The following SKAP2 variants were observed in gnomAD, a reference collection of about 807,000 sequenced individuals.
SKAP2 encodes the protein src kinase associated phosphoprotein 2.
SKAP2 carries 28 observed loss-of-function variants against 54.9 expected under a neutral mutation model. That is an observed-to-expected ratio of 0.51 (90% CI 0.38 to 0.70). The LOEUF (loss-of-function observed/expected upper bound fraction) is 0.70. Among genes scored for constraint, SKAP2 ranks in the 30% least tolerant of loss-of-function variants. SKAP2 has a pLI of 0.00. For synonymous variants in SKAP2, 137 were observed against 134.3 expected, an observed-to-expected ratio of 1.02 and a Z score of -0.14; for missense variants, 356 against 424.1, an observed-to-expected ratio of 0.84 and a Z score of 1.41.
intron 8 of SKAP2, 77 bp downstream of exon 8, chr7:26,725,846 T>C: frequency 8.5e-7 from 1 of 1,177,260 alleles, no homozygotes; most frequent in East Asian, 2.4e-5. Context: ...CAATAAGCTT[T>C]TGTATATGAA....
At chr7:26,657,368 T>C in the SKAP2 span, among the ~76,000 whole-genome samples, 16 of 152,180 alleles carry the variant, frequency 1.1e-4, no homozygotes, top group African/African-American at 3.9e-4. Context: ...CTCCAGTGTT[T>C]CCAAACCTTC....
chr7:26,746,564 G>A (rs1228749351), intron 4 of SKAP2: 2 of 149,994 alleles, frequency 1.3e-5, no homozygotes, highest in African/African-American at 2.5e-5. Context: ...TACTGACTTC[G>A]AAATCCATGG....
At chr7:26,720,095 T>A (rs552530947) in intron 9 of SKAP2, among the ~76,000 whole-genome samples, 2 of 127,054 alleles carry the variant, frequency 1.6e-5, no homozygotes, top group South Asian at 2.6e-4. Flanking sequence ...CACACACACA[T>A]CCCAGTTATG....
At chr7:26,786,756 C>G (rs1430971585) in intron 4 of SKAP2, among the ~76,000 whole-genome samples, 1 of 152,180 alleles carries the variant, frequency 6.6e-6, no homozygotes, top group African/African-American at 2.4e-5. Context: ...CACATACATT[C>G]TGTACAAACT....
At chr7:26,734,568 A>T (rs1196809880) in intron 6 of SKAP2, among the ~76,000 whole-genome samples, 1 of 152,116 alleles carries the variant, frequency 6.6e-6, no homozygotes, top group Non-Finnish European at 1.5e-5. Flanking sequence ...CAAAACTGGG[A>T]AATTTATAAA....
intron 4 of SKAP2, among the ~76,000 whole-genome samples, chr7:26,818,267 C>A (rs1584407733): frequency 6.6e-6 from 1 of 152,024 alleles, no homozygotes; most frequent in Admixed American, 6.6e-5. Flanking sequence ...AGAAAAGAGG[C>A]CTCAGAAGTA....
chr7:26,764,363 ACTC>A (rs1361720875), intron 4 of SKAP2, among the ~76,000 whole-genome samples: 1 of 152,020 alleles, frequency 6.6e-6, no homozygotes, highest in Non-Finnish European at 1.5e-5. Flanking sequence ...TCAGAAGACT[ACTC>A]CTGTTGAACC....
chr7:26,772,716 T>C (rs531000582), intron 4 of SKAP2, among the ~76,000 whole-genome samples: 1 of 152,366 alleles, frequency 6.6e-6, no homozygotes, highest in South Asian at 2.1e-4. Flanking sequence ...AACATTCAAA[T>C]GGTCACAAAA....
chr7:26,738,975 T>G, intron 5 of SKAP2, 97 bp from the exon 6 acceptor site: 1 of 753,542 alleles, frequency 1.3e-6, no homozygotes, highest in Non-Finnish European at 2.3e-6. Flanking sequence ...TCTAACATTG[T>G]GTGACTAATT....
At chr7:26,662,530 G>C (rs1786029530), downstream of SKAP2, among the ~76,000 whole-genome samples, 1 of 152,070 alleles carries the variant, frequency 6.6e-6, no homozygotes, top group Admixed American at 6.6e-5. Flanking sequence ...TTCAGACTAT[G>C]AATCTACTTG....
At chr7:26,757,028 T>A (rs1782809467) in intron 4 of SKAP2, among the ~76,000 whole-genome samples, 1 of 152,184 alleles carries the variant, frequency 6.6e-6, no homozygotes, top group Non-Finnish European at 1.5e-5. Flanking sequence ...GATGGGGTTG[T>A]TTTTTTCTTG....
At chr7:26,709,952 G>T (rs1282470011) in intron 9 of SKAP2, among the ~76,000 whole-genome samples, 1 of 152,148 alleles carries the variant, frequency 6.6e-6, no homozygotes, top group Non-Finnish European at 1.5e-5. Flanking sequence ...CATTGGAATA[G>T]TAATGTTAGA....
rs200389052 is a variant in SKAP2 at position 26,749,783 on chromosome 7, ATAG to A, written c.308-9822_308-9820del. 4.3e-3 allele frequency among the ~76,000 whole-genome samples: 602 copies of A among 140,342 alleles called. 3 individuals carry two copies. The highest frequency in any genetic ancestry group is 0.016 in the African/African-American group (552 of 34,294). The allele number at this position is 140,342 out of a possible 152,430, so 92.1% of individuals were successfully genotyped here. A position where few individuals can be genotyped will look rare whatever the true frequency, so the allele number is the denominator to read the frequency against. On this transcript the variant is annotated intron_variant, in intron 4 of 12. Transcript: ENST00000345317. ...AATAATAATAATAATAATAATAATA[ATAG>A]GTCCTACTTCTTTCTTCCTTACCTA...
intron 4 of SKAP2, among the ~76,000 whole-genome samples, chr7:26,770,365 A>G (rs1353323302): frequency 6.6e-6 from 1 of 152,164 alleles, no homozygotes; most frequent in African/African-American, 2.4e-5. Context: ...GAGAATTTCA[A>G]GCCAATGGAT....
chr7:26,846,585 A>C (rs138933537), intron 3 of SKAP2, among the ~76,000 whole-genome samples: 2,737 of 152,308 alleles, frequency 0.018, 34 homozygotes, highest in Non-Finnish European at 0.028. Context: ...ATTCTACACA[A>C]ACTGATCACT....
intron 9 of SKAP2, among the ~76,000 whole-genome samples, chr7:26,724,049 T>G (rs1787641449): frequency 6.6e-6 from 1 of 152,104 alleles, no homozygotes; most frequent in Admixed American, 6.5e-5. Context: ...AACATGTAGC[T>G]CCACTAAACA....
intron 4 of SKAP2, among the ~76,000 whole-genome samples, chr7:26,827,968 T>C (rs1421499251): frequency 6.6e-6 from 1 of 152,146 alleles, no homozygotes; most frequent in African/African-American, 2.4e-5. Context: ...AATAAATAAA[T>C]ACATTCATAC....
At chr7:26,718,689 A>C (rs1364203886) in intron 9 of SKAP2, among the ~76,000 whole-genome samples, 1 of 151,958 alleles carries the variant, frequency 6.6e-6, no homozygotes, top group Non-Finnish European at 1.5e-5. Context: ...TATTTTTAGT[A>C]GAGACGGGGT....
At chr7:26,847,929 A>C (rs1350769653) in intron 3 of SKAP2, 2 of 152,216 alleles carry the variant, frequency 1.3e-5, no homozygotes, top group Non-Finnish European at 2.9e-5. Context: ...GATTTATCCC[A>C]CAACTTTCAA....
Sources: allele counts gnomAD v4.1 joint callset (sites outside exome capture counted in the v4.1 genomes callset), GRCh38; gene constraint gnomAD v4.1.1; transcripts MANE v1.5; gene names NCBI Gene and HGNC (gene_info 2026-07-23, HGNC 2026-07-21).